Variants in SNAP91 observed in about 807,000 individuals in gnomAD.
The protein encoded by SNAP91 is synaptosome associated protein 91.
A neutral mutation model predicts 100.3 loss-of-function variants in SNAP91; 27 were observed. The ratio of observed to expected loss-of-function variants is 0.27; its 90% confidence interval spans 0.20 to 0.37. The LOEUF (loss-of-function observed/expected upper bound fraction) is 0.37. SNAP91 is among the 10% of genes least tolerant of loss of function. The pLI, the probability that SNAP91 is intolerant of heterozygous loss-of-function variation, is 1.00. For missense variants in SNAP91, 986 were observed against 1,123.7 expected, an observed-to-expected ratio of 0.88 and a Z score of 1.75; for synonymous variants, 404 against 398.6, an observed-to-expected ratio of 1.01 and a Z score of -0.16.
intron 21 of SNAP91, among the ~76,000 whole-genome samples, chr6:83,591,712 C>A (rs770700093): frequency 1.4e-4 from 21 of 152,146 alleles, no homozygotes; most frequent in Non-Finnish European, 2.6e-4. Flanking sequence ...ACCTACATGT[C>A]AAGGTTTAGT....
intron 13 of SNAP91, among the ~76,000 whole-genome samples, 163 bp from the exon 14 acceptor site, chr6:83,605,966 G>C (rs2128279032): frequency 1.3e-5 from 2 of 152,242 alleles, no homozygotes; most frequent in East Asian, 3.9e-4. Flanking sequence ...ACCAAGAGTT[G>C]GCAAACTACT....
In SNAP91 at chr6:83,695,311, A is replaced by G. The variant is rs200107814; in HGVS notation, c.130+12487T>C. Reference sequence around the variant, plus strand: ...AAAAAAAAAAAAAAAGAGAAAAGAAAAAGAAAAAGAAAAGAAAAGAAAGAA... The same window carrying G: ...AAAAAAAAAAAAAAAGAGAAAAGAAGAAGAAAAAGAAAAGAAAAGAAAGAA... On this transcript the variant is annotated intron_variant, in intron 2 of 29. Transcript: ENST00000369694. Among the ~76,000 whole-genome samples the G allele has an allele frequency of 1.0e-3, 156 of 151,170 alleles. 2 individuals are homozygous for G. The East Asian group carries it at 0.027, about 26-fold the overall frequency.
intron 8 of SNAP91, among the ~76,000 whole-genome samples, chr6:83,634,939 T>C (rs1051498101): frequency 2.6e-5 from 4 of 152,232 alleles, no homozygotes; most frequent in Non-Finnish European, 4.4e-5. Flanking sequence ...TTCCATGTAA[T>C]TGTGTGGTTT....
intron 22 of SNAP91, among the ~76,000 whole-genome samples, chr6:83,589,515 A>G (rs2093405369): frequency 6.6e-6 from 1 of 152,232 alleles, no homozygotes; most frequent in African/African-American, 2.4e-5. Flanking sequence ...TTCTTATGCT[A>G]GCTTCTCAGC....
At chr6:83,623,235 AT>A in intron 9 of SNAP91, 65 bp downstream of exon 9, 1 of 1,284,336 alleles carries the variant, frequency 7.8e-7, no homozygotes, top group Non-Finnish European at 1.1e-6. Flanking sequence ...GACTATGCCC[AT>A]TTGTGGCAAT....
chr6:83,561,297 G>A (rs1330563477), intron 26 of SNAP91, among the ~76,000 whole-genome samples: 4 of 152,084 alleles, frequency 2.6e-5, no homozygotes, highest in African/African-American at 9.7e-5. Context: ...CTCCTGCCTT[G>A]GCCTCCCAAA....
chr6:83,572,557 T>C (rs1415801823), intron 26 of SNAP91, among the ~76,000 whole-genome samples: 1 of 152,100 alleles, frequency 6.6e-6, no homozygotes, highest in Non-Finnish European at 1.5e-5. Flanking sequence ...CAGCCAACTT[T>C]TTTTTTCCTT....
chr6:83,666,129 T>G (rs571211212), intron 2 of SNAP91, among the ~76,000 whole-genome samples: 1 of 152,246 alleles, frequency 6.6e-6, no homozygotes, highest in East Asian at 1.9e-4. Flanking sequence ...TGTAAGCTTT[T>G]GTAGAACAAC....
chr6:83,605,844 T>G, intron 13 of SNAP91, 41 bp from the exon 14 acceptor site: 1 of 1,474,252 alleles, frequency 6.8e-7, no homozygotes, highest in Non-Finnish European at 9.1e-7. Flanking sequence ...TTTTGAAATT[T>G]TATAACATAA....
chr6:83,618,161 T>C (rs1027651703), intron 9 of SNAP91, among the ~76,000 whole-genome samples: 2 of 151,904 alleles, frequency 1.3e-5, no homozygotes, highest in Non-Finnish European at 2.9e-5. Context: ...ATTTCACTAA[T>C]AGACTCTTAA....
At chr6:83,672,964 T>C (rs1562605316) in intron 2 of SNAP91, among the ~76,000 whole-genome samples, 1 of 152,162 alleles carries the variant, frequency 6.6e-6, no homozygotes, top group Non-Finnish European at 1.5e-5. Flanking sequence ...CTGGTCATTC[T>C]TTTATTTTAT....
At position 83,594,454 on chromosome 6, in the gene SNAP91, G is replaced by A; in HGVS notation, c.1352C>T (p.Ala451Val). The change falls in exon 17 of 30, where the codon GCC (alanine) becomes GTC (valine). Residue 451 changes from alanine to valine, a missense_variant. This residue lies in a region of SNAP91 where 575 missense variants were observed against 579.9 expected (regional missense o/e 0.99). Transcript: ENST00000369694. ...GDAFAASPGE[A>V]PAASEGAAAP... is the part of the protein sequence containing the mutation. ...GGCGGCCCCTTCGGATGCTGCAGGG[G>A]CCTCCCCAGGAGAAGCTGCAAAGGC... 1 of 1,539,800 alleles carries A rather than the reference G, an allele frequency of 6.5e-7. No individual in the cohort carries two copies.
intron 28 of SNAP91, among the ~76,000 whole-genome samples, chr6:83,559,350 C>T (rs912099351): frequency 2.6e-5 from 4 of 152,096 alleles, no homozygotes; most frequent in African/African-American, 4.8e-5. Flanking sequence ...GGTGAGCTTG[C>T]GATACTGCAT....
intron 16 of SNAP91, among the ~76,000 whole-genome samples, chr6:83,598,050 A>G (rs1354624683): frequency 6.6e-6 from 1 of 152,204 alleles, no homozygotes; most frequent in Non-Finnish European, 1.5e-5. Flanking sequence ...TTGAAAGGGT[A>G]TCCTTGTTGG....
chr6:83,669,036 C>T (rs1186847983), intron 2 of SNAP91, among the ~76,000 whole-genome samples: 2 of 151,928 alleles, frequency 1.3e-5, no homozygotes, highest in South Asian at 2.1e-4. Context: ...CAACACAAAG[C>T]CTATTTTATA....
At chr6:83,573,346 T>G (rs953672370) in intron 26 of SNAP91, among the ~76,000 whole-genome samples, 14 of 152,134 alleles carry the variant, frequency 9.2e-5, no homozygotes, top group South Asian at 4.1e-4. Flanking sequence ...TGGATAGGAA[T>G]AATCAATATC....
chr6:83,689,297 T>C (rs1189630029), intron 2 of SNAP91, among the ~76,000 whole-genome samples: 1 of 152,224 alleles, frequency 6.6e-6, no homozygotes, highest in Non-Finnish European at 1.5e-5. Flanking sequence ...AACATGTCTA[T>C]GAGACTACAT....
At chr6:83,567,616 AT>A (rs1798675214) in intron 26 of SNAP91, among the ~76,000 whole-genome samples, 1 of 152,216 alleles carries the variant, frequency 6.6e-6, no homozygotes, top group African/African-American at 2.4e-5. Flanking sequence ...CAAAGGGCTA[AT>A]ATCCAGAATC....
chr6:83,677,829 T>G (rs1157478531), intron 2 of SNAP91, among the ~76,000 whole-genome samples: 3 of 152,162 alleles, frequency 2.0e-5, no homozygotes, highest in African/African-American at 7.2e-5. Flanking sequence ...TTTACAGGAA[T>G]AGAACTTTAA....
Sources: gnomAD v4.1 joint callset for allele counts (sites outside exome capture counted in the v4.1 genomes callset) on GRCh38, gnomAD v4.1.1 for gene constraint, gnomAD v4.1.1 regional missense constraint, MANE v1.5 for transcripts, NCBI Gene and HGNC (gene_info 2026-07-23, HGNC 2026-07-21) for gene names.